ZC3H11A: variants seen among roughly 807,000 people sequenced by gnomAD.
ZC3H11A encodes the protein zinc finger CCCH domain-containing protein 11A.
ZC3H11A carries 22 observed loss-of-function variants against 90.8 expected under a neutral mutation model. The observed-to-expected ratio is 0.24, with a 90% CI of 0.17 to 0.35. The LOEUF is 0.35. ZC3H11A is among the 10% of genes least tolerant of loss of function. The pLI, the probability that ZC3H11A is intolerant of heterozygous loss-of-function variation, is 1.00. For missense variants in ZC3H11A, 701 were observed against 964.9 expected (o/e 0.73, Z 3.62); for synonymous variants, 294 against 339.8 (o/e 0.87, Z 1.48).
At chr1:203,800,012 C>T (rs1167044460) in intron 1 of ZC3H11A, 1 of 1,536,074 alleles carries the variant, frequency 6.5e-7, no homozygotes, top group East Asian at 2.4e-5. Context: ...ATTCATTTAC[C>T]TCATCTCTAA....
chr1:203,800,404 G>A (rs7540041), intron 1 of ZC3H11A: 170,686 of 1,207,290 alleles, frequency 0.14, 14,306 homozygotes, highest in Admixed American at 0.31. Flanking sequence ...TTGGTTCTGA[G>A]CTGGGATCCT....
At position 203,829,582 on chromosome 1, in the gene ZC3H11A, T is replaced by G; in HGVS notation, c.430T>G (p.Ser144Ala). 1 of 1,614,122 alleles carries G rather than the reference T, an allele frequency of 6.2e-7. No homozygotes were observed. Among genetic ancestry groups the G allele is most frequent in the Non-Finnish European group, 8.5e-7 (1 of 1,180,022 alleles). Residue 144 changes from serine (S) to alanine (A), a missense_variant, in exon 6 of 18, where the codon TCC becomes GCC. This residue lies in a region of ZC3H11A where 530 missense variants were observed against 696.2 expected (regional missense o/e 0.76). Coordinates refer to ENST00000367210, the MANE Select transcript of ZC3H11A (RefSeq NM_001376342.1). Reference sequence around the variant, plus strand: ...GCGGAGCGTTATGAAAGTAGAAAGTTCCGAAAATGTTCCTAGCCCCACGCA... The same window carrying G: ...GCGGAGCGTTATGAAAGTAGAAAGTGCCGAAAATGTTCCTAGCCCCACGCA... Reference protein sequence around the residue: ...QLRSVMKVESSENVPSPTHPP... With the variant: ...QLRSVMKVESAENVPSPTHPP...
At position 203,829,809 on chromosome 1, in the gene ZC3H11A, A is replaced by C; in HGVS notation, c.532A>C (p.Lys178Gln). 1 of 1,614,092 alleles carries C rather than the reference A, an allele frequency of 6.2e-7. No individual in the cohort carries two copies. The highest frequency in any genetic ancestry group is 8.5e-7 in the Non-Finnish European group (1 of 1,179,966). The change falls in exon 7 of 18, where the codon AAA becomes CAA. Residue 178 changes from lysine (K) to glutamine (Q), a missense_variant. Around this residue, in one of 4 missense-constraint regions of ZC3H11A, gnomAD observed 530 missense variants for 696.2 expected, o/e 0.76. Transcript: ENST00000367210. Reference sequence around the variant, plus strand: ...GTTTTCTGAGGAAGGTGATGAAACCAAAACACCTACCCTGCAACCAACTCC... The same window carrying C: ...GTTTTCTGAGGAAGGTGATGAAACCCAAACACCTACCCTGCAACCAACTCC... ...DQFSEEGDET[K>Q]TPTLQPTPEV...
At chr1:203,800,928 A>AC (rs1314623809) in intron 1 of ZC3H11A, 1 of 152,400 alleles carries the variant, frequency 6.6e-6, no homozygotes, top group Non-Finnish European at 1.5e-5. Flanking sequence ...CAAAAAGAAA[A>AC]CCCGTGAAAT....
intron 4 of ZC3H11A, among the ~76,000 whole-genome samples, chr1:203,824,216 C>T (rs1406172311): frequency 1.3e-5 from 2 of 148,618 alleles, no homozygotes; most frequent in Non-Finnish European, 3.0e-5. Context: ...TGCAGTGAGC[C>T]GAGATTACAC....
At chr1:203,840,232 C>G in intron 11 of ZC3H11A, 74 bp from the exon 12 acceptor site, 3 of 1,453,744 alleles carry the variant, frequency 2.1e-6, no homozygotes, top group Non-Finnish European at 2.9e-6. Flanking sequence ...TGCCACCATG[C>G]CCAGCAAACC....
chr1:203,851,693 C>T (rs752061547), intron 17 of ZC3H11A, among the ~76,000 whole-genome samples: 12 of 149,808 alleles, frequency 8.0e-5, no homozygotes, highest in African/African-American at 1.5e-4. Flanking sequence ...CCAGGCAAGG[C>T]GGCTTATGCC....
In ZC3H11A at chr1:203,839,171, C is replaced by T. The variant is rs534676902; in HGVS notation, c.973+1107C>T. Among the ~76,000 whole-genome samples the T allele has an allele frequency of 1.5e-4, 23 of 152,110 alleles. No individual in the cohort carries two copies. The South Asian group carries it at 4.6e-3, about 30-fold the overall frequency. On this transcript the variant is annotated intron_variant, in intron 11 of 17. Coordinates refer to ENST00000367210, the MANE Select transcript of ZC3H11A (RefSeq NM_001376342.1). ...GGTATTTTGGAAGTTGATTTGGAGA[C>T]GTGGACTAAATCAAGAGATAGCTGG...
chr1:203,810,088 TATA>T (rs1475145594), intron 2 of ZC3H11A, among the ~76,000 whole-genome samples: 1 of 151,748 alleles, frequency 6.6e-6, no homozygotes, highest in East Asian at 1.9e-4. Context: ...TAGTATTGAT[TATA>T]AAGTCATTGG....
intron 9 of ZC3H11A, among the ~76,000 whole-genome samples, chr1:203,832,516 A>G (rs1172465471): frequency 1.3e-5 from 2 of 151,786 alleles, no homozygotes; most frequent in Non-Finnish European, 2.9e-5. Flanking sequence ...ACCCGCCACC[A>G]CGCCTGGCTA....
intron 4 of ZC3H11A, among the ~76,000 whole-genome samples, chr1:203,821,125 C>G (rs961353139): frequency 6.6e-6 from 1 of 152,018 alleles, no homozygotes; most frequent in East Asian, 1.9e-4. Context: ...GTTTCCCCCA[C>G]GCTATTCTCA....
intron 13 of ZC3H11A, 133 bp from the exon 14 acceptor site, chr1:203,848,198 C>T: frequency 1.3e-6 from 1 of 751,144 alleles, no homozygotes; most frequent in Non-Finnish European, 2.2e-6. Context: ...ACTTTAGGAG[C>T]ACAGATGGGC....
Position 203,830,000 on chromosome 1 carries a change from CATACTTACCT to C in ZC3H11A, c.619+112_620-106del, listed in dbSNP as rs992715514. ...CCTCTTCTTTTTCCCATGCTACACG[CATACTTACCT>C]ATACTTAGTTTCTGTTGATCATTTA... On this transcript the variant is annotated intron_variant, in intron 7 of 17. Transcript: ENST00000367210. The C allele has an allele frequency of 8.4e-6, 11 of 1,305,364 alleles. 1 individual carries two copies. The allele number at this position is 1,305,364 out of a possible 1,614,324, so 80.9% of individuals were successfully genotyped here. A position where few individuals can be genotyped will look rare whatever the true frequency, so the allele number is the denominator to read the frequency against.
At chr1:203,832,276 G>T (rs1257905536) in intron 9 of ZC3H11A, among the ~76,000 whole-genome samples, 2 of 152,014 alleles carry the variant, frequency 1.3e-5, no homozygotes, top group African/African-American at 4.8e-5. Flanking sequence ...GGTCTGGCTG[G>T]TCTCAAACTC....
At chr1:203,820,326 C>T (rs1226265296) in intron 4 of ZC3H11A, among the ~76,000 whole-genome samples, 3 of 151,978 alleles carry the variant, frequency 2.0e-5, no homozygotes, top group African/African-American at 7.2e-5. Context: ...TTGCTCAGTC[C>T]TGCCTTGCGT....
intron 1 of ZC3H11A, chr1:203,798,972 G>A (rs1669629441): frequency 2.0e-6 from 3 of 1,535,974 alleles, no homozygotes; most frequent in African/African-American, 2.7e-5. Flanking sequence ...ACACCTGACT[G>A]TTGACATATG....
chr1:203,834,169 G>T, intron 10 of ZC3H11A: 1 of 743,508 alleles, frequency 1.3e-6, no homozygotes. Context: ...AAAAATGATT[G>T]GTTAATATAA....
At chr1:203,849,155 G>A (rs2103433576) in intron 14 of ZC3H11A, among the ~76,000 whole-genome samples, 1 of 152,294 alleles carries the variant, frequency 6.6e-6, no homozygotes. Flanking sequence ...AACGTGTTGG[G>A]ATTACATGTG....
chr1:203,797,687 G>C, intron 1 of ZC3H11A: 1 of 1,535,702 alleles, frequency 6.5e-7, no homozygotes, highest in Non-Finnish European at 8.7e-7. Context: ...TGAATAAAGA[G>C]GCAAAACAGC....
Sources: allele counts gnomAD v4.1 joint callset (sites outside exome capture counted in the v4.1 genomes callset), GRCh38; gene constraint gnomAD v4.1.1; regional missense constraint gnomAD v4.1.1; transcripts MANE v1.5; gene names NCBI Gene and HGNC (gene_info 2026-07-23, HGNC 2026-07-21).